NINJ2: variants seen among roughly 807,000 people sequenced by gnomAD.
NINJ2 encodes ninjurin 2.
Under a neutral mutation model 11.7 loss-of-function variants are expected in NINJ2, and 12 were observed. That is an observed-to-expected ratio of 1.02 (90% CI 0.66 to 1.66). NINJ2 has a LOEUF of 1.66. Ranked by LOEUF, NINJ2 falls within the 40% of genes most tolerant of loss-of-function variation. The pLI is 0.00. For missense variants in NINJ2, 187 were observed against 181.8 expected (o/e 1.03, Z -0.16); for synonymous variants, 93 against 76.8 (o/e 1.21, Z -1.10).
chr12:630,219 C>CT (rs1565641872), intron 1 of NINJ2, among the ~76,000 whole-genome samples: 1 of 151,668 alleles, frequency 6.6e-6, no homozygotes, highest in African/African-American at 2.4e-5. Context: ...ATTTTTTTTC[C>CT]TTTTTAAAGA....
intron 1 of NINJ2, among the ~76,000 whole-genome samples, chr12:569,421 A>G (rs1428043171): frequency 6.6e-6 from 1 of 152,154 alleles, no homozygotes; most frequent in East Asian, 1.9e-4. Context: ...CCCAGGTTCA[A>G]CTGTGCCCCC....
At chr12:635,864 C>T (rs2120457037) in intron 1 of NINJ2, among the ~76,000 whole-genome samples, 2 of 152,346 alleles carry the variant, frequency 1.3e-5, no homozygotes, top group Middle Eastern at 6.8e-3. Context: ...CATCTGAGGT[C>T]AGGAGTTCGA....
Position 601,376 on chromosome 12 carries a change from C to G in NINJ2, c.34-35198G>C, listed in dbSNP as rs577671704. On this transcript the variant is annotated intron_variant, in intron 1 of 3. Transcript: ENST00000305108. ...CCTGGCTAACACAGTGAAACCCCGT[C>G]TCTACTAAAAATACAAAAAAAATTA... Among the ~76,000 whole-genome samples, 227 of 150,352 alleles carry G rather than the reference C, an allele frequency of 1.5e-3. 2 individuals carry two copies. The highest frequency in any genetic ancestry group is 3.5e-3 in the African/African-American group (142 of 40,826).
intron 1 of NINJ2, among the ~76,000 whole-genome samples, chr12:600,411 C>T (rs1002340882): frequency 2.6e-5 from 4 of 151,930 alleles, no homozygotes; most frequent in South Asian, 2.1e-4. Context: ...AAAAGTTAGC[C>T]GGGCATGGGT....
chr12:624,440 A>C (rs1948188731), intron 1 of NINJ2, among the ~76,000 whole-genome samples: 1 of 152,202 alleles, frequency 6.6e-6, no homozygotes, highest in South Asian at 2.1e-4. Context: ...AATGAATGAG[A>C]TCTGGATTCA....
At chr12:655,037 T>TA (rs1463964823) in intron 1 of NINJ2, among the ~76,000 whole-genome samples, 4 of 152,246 alleles carry the variant, frequency 2.6e-5, no homozygotes, top group African/African-American at 9.6e-5. Context: ...CCATTCATGA[T>TA]AAAAACTCTC....
rs1186631445 is a variant in NINJ2, at chr12:585,654, G to A, written c.34-19476C>T. On this transcript the variant is annotated intron_variant, in intron 1 of 3. Transcript: ENST00000305108. The surrounding 1 kb of genome is among the most constrained non-coding windows in gnomAD (Gnocchi z 4.1). Reference sequence around the variant, plus strand: ...GCAGCATCGATTAAGCACCCACTGTGTGCAATGTCCTGAACTCTGTGCTGA... The same window carrying A: ...GCAGCATCGATTAAGCACCCACTGTATGCAATGTCCTGAACTCTGTGCTGA... Among the ~76,000 whole-genome samples, 3 of 151,934 alleles carry A rather than the reference G, an allele frequency of 2.0e-5. No individual in the cohort carries two copies. Among genetic ancestry groups the A allele is most frequent in the Non-Finnish European group, 4.4e-5 (3 of 67,888 alleles).
intron 1 of NINJ2, among the ~76,000 whole-genome samples, chr12:626,946 G>T (rs1948217047): frequency 6.6e-6 from 1 of 152,114 alleles, no homozygotes; most frequent in Non-Finnish European, 1.5e-5. Context: ...GTACGCAGGT[G>T]TGGTAAGACA....
At chr12:565,541 G>C (rs1565615875) in intron 2 of NINJ2, 140 bp from the exon 3 acceptor site, 1 of 863,216 alleles carries the variant, frequency 1.2e-6, no homozygotes, top group Non-Finnish European at 1.8e-6. Context: ...GGTCGTCATC[G>C]GGCTGAGATG....
intron 1 of NINJ2, among the ~76,000 whole-genome samples, chr12:618,895 A>G (rs1417852727): frequency 2.0e-5 from 3 of 152,164 alleles, no homozygotes; most frequent in Non-Finnish European, 4.4e-5. Context: ...AAGGCCTCCA[A>G]TGGCCTCTCA....
At chr12:606,571 A>G (rs1457545611) in intron 1 of NINJ2, among the ~76,000 whole-genome samples, 1 of 152,218 alleles carries the variant, frequency 6.6e-6, no homozygotes, top group East Asian at 1.9e-4. Context: ...CAGCTTTTGG[A>G]ACTGGAGGTC....
At chr12:598,863 C>T (rs1947824421) in intron 1 of NINJ2, among the ~76,000 whole-genome samples, 1 of 151,892 alleles carries the variant, frequency 6.6e-6, no homozygotes, top group South Asian at 2.1e-4. Context: ...CCACACCCGG[C>T]TAGTTTTCAT....
chr12:634,606 A>G (rs1393693504), intron 1 of NINJ2, among the ~76,000 whole-genome samples: 1 of 152,050 alleles, frequency 6.6e-6, no homozygotes, highest in Non-Finnish European at 1.5e-5. Flanking sequence ...CACACACAAA[A>G]TCAGTCTCCT....
chr12:566,054 A>C lies in NINJ2; in HGVS notation c.158T>G (p.Val53Gly), dbSNP rs1444621174. The C allele has an allele frequency of 1.2e-6, 2 of 1,614,100 alleles. No individual in the cohort carries two copies. Among genetic ancestry groups the C allele is most frequent in the Admixed American group, 1.7e-5 (1 of 60,018 alleles). ...GTGAGAGGATGGTCCCTGCTCCAGCACCGCCTTCAGCCGCATGGCGTTGGA... is the reference window on the plus strand; with the variant it reads ...GTGAGAGGATGGTCCCTGCTCCAGCCCCGCCTTCAGCCGCATGGCGTTGGA... ...FMSNAMRLKA[V>G]LEQGPSSHYY... is the part of the protein sequence containing the mutation. Residue 53 changes from valine (V) to glycine (G), a missense_variant, in exon 2 of 4, where the codon GTG (valine) becomes GGG (glycine). By Grantham distance (109) the Val-to-Gly change is moderately radical. Coordinates refer to ENST00000305108, the MANE Select transcript of NINJ2 (RefSeq NM_016533.6).
intron 1 of NINJ2, among the ~76,000 whole-genome samples, chr12:621,722 C>CCGG (rs1948154839): frequency 6.7e-6 from 1 of 149,868 alleles, no homozygotes; most frequent in African/African-American, 2.5e-5. Flanking sequence ...GAGACTGAGG[C>CCGG]AGGAGAATCA....
rs1245166930 is a variant in NINJ2 at position 580,707 on chromosome 12, G to A, written c.34-14529C>T. Among the ~76,000 whole-genome samples the A allele has an allele frequency of 1.3e-5, 2 of 152,156 alleles. No homozygotes were observed. Among genetic ancestry groups the A allele is most frequent in the Non-Finnish European group, 1.5e-5 (1 of 68,026 alleles). On this transcript the variant is annotated intron_variant, in intron 1 of 3. Coordinates refer to ENST00000305108, the MANE Select transcript of NINJ2 (RefSeq NM_016533.6). This position sits in a 1 kb window ranked among gnomAD's most constrained non-coding sequence, Gnocchi z 4.7. The stretch of plus-strand genomic sequence containing the variant: ...GAACCTCTTCTGTGGCACCTTCTGG[G>A]GGTGCCTGCCAATGGCTATAGTATA...
chr12:603,207 C>T (rs976205345), intron 1 of NINJ2, among the ~76,000 whole-genome samples: 1 of 152,022 alleles, frequency 6.6e-6, no homozygotes, highest in Non-Finnish European at 1.5e-5. Flanking sequence ...TGCTTATTGG[C>T]CATTTGTATA....
rs1182904892 is a variant in NINJ2, at chr12:663,340, G to A, written c.21C>T (p.Asn7=). Residue 7 remains asparagine, a synonymous_variant, in exon 1 of 4, where the codon AAC becomes AAT. Transcript: ENST00000305108. ...AGAGAGAACTTACTTGAAGGTCGAT[G>A]TTTTCTCTTGCTGATTCCATCTCGC... is the stretch of plus-strand genomic sequence containing the variant. MESARE[N]IDLQPGSSDP... The A allele has an allele frequency of 2.5e-6, 4 of 1,614,156 alleles. No individual in the cohort carries two copies. The highest frequency in any genetic ancestry group is 1.1e-5 in the South Asian group (1 of 91,086).
At chr12:648,848 G>T (rs920022081) in intron 1 of NINJ2, among the ~76,000 whole-genome samples, 4 of 152,012 alleles carry the variant, frequency 2.6e-5, no homozygotes, top group African/African-American at 9.7e-5. Context: ...CCCCAGATAT[G>T]CCCTGTGTTT....
Sources: allele counts gnomAD v4.1 joint callset (sites outside exome capture counted in the v4.1 genomes callset), GRCh38; gene constraint gnomAD v4.1.1; non-coding constraint Gnocchi (gnomAD v3.1); transcripts MANE v1.5; gene names NCBI Gene and HGNC (gene_info 2026-07-23, HGNC 2026-07-21).